Variants in TOGARAM2 observed in about 807,000 individuals in gnomAD.
TOGARAM2 encodes TOG array regulator of axonemal microtubules protein 2.
TOGARAM2 carries 85 observed loss-of-function variants against 93.3 expected under a neutral mutation model. The observed-to-expected ratio is 0.91, with a 90% CI of 0.76 to 1.09. TOGARAM2 has a LOEUF of 1.09. Ranked by LOEUF, TOGARAM2 falls within the 50% of genes least tolerant of loss-of-function variation. The probability of loss-of-function intolerance (pLI) is 0.00; values close to 1 mark genes in which losing one functional copy is unlikely to be tolerated. For missense variants in TOGARAM2, 1,277 were observed against 1,334.5 expected, an observed-to-expected ratio of 0.96 and a Z score of 0.67; for synonymous variants, 593 against 552.8, an observed-to-expected ratio of 1.07 and a Z score of -1.02.
chr2:28,980,250 T>C (rs1407775792), upstream of TOGARAM2, among the ~76,000 whole-genome samples: 1 of 152,170 alleles, frequency 6.6e-6, no homozygotes, highest in Non-Finnish European at 1.5e-5. Flanking sequence ...TCCTGGATCT[T>C]GGTAAATGAC....
chr2:29,035,882 A>G (rs910369157), intron 17 of TOGARAM2, among the ~76,000 whole-genome samples: 1 of 152,104 alleles, frequency 6.6e-6, no homozygotes, highest in Non-Finnish European at 1.5e-5. Context: ...GCAGATTTAC[A>G]GTGAGGAGGG....
intron 10 of TOGARAM2, among the ~76,000 whole-genome samples, chr2:29,020,449 T>A (rs535679282): frequency 1.3e-5 from 2 of 152,318 alleles, no homozygotes; most frequent in African/African-American, 4.8e-5. Context: ...TCAGGATCTG[T>A]TCAACTTCTT....
At chr2:29,004,934 A>ATG (rs1220645853) in intron 6 of TOGARAM2, among the ~76,000 whole-genome samples, 1 of 101,070 alleles carries the variant, frequency 9.9e-6, no homozygotes, top group African/African-American at 4.5e-5. Flanking sequence ...GTGTGAGTGC[A>ATG]TGTGTGTGCA....
At chr2:28,968,348 T>C (rs1671895775) in intron 1 of TOGARAM2, among the ~76,000 whole-genome samples, 1 of 152,160 alleles carries the variant, frequency 6.6e-6, no homozygotes, top group Non-Finnish European at 1.5e-5. Flanking sequence ...TTTGGCCACC[T>C]TGGTTTCTAG....
intron 1 of TOGARAM2, among the ~76,000 whole-genome samples, chr2:28,984,243 G>GA (rs1038319001): frequency 4.0e-5 from 6 of 150,918 alleles, no homozygotes; most frequent in Non-Finnish European, 7.4e-5. Context: ...AACAAAGACA[G>GA]AAAAAAAAAT....
At chr2:29,029,851 T>C (rs1333907209) in intron 14 of TOGARAM2, among the ~76,000 whole-genome samples, 2 of 151,852 alleles carry the variant, frequency 1.3e-5, no homozygotes, top group Non-Finnish European at 2.9e-5. Flanking sequence ...GGGTTCAATG[T>C]ATACTGCTCG....
At chr2:29,038,958 G>T (rs1666274200) in intron 18 of TOGARAM2, among the ~76,000 whole-genome samples, 1 of 152,200 alleles carries the variant, frequency 6.6e-6, no homozygotes, top group Admixed American at 6.5e-5. Context: ...CATTGCCAGG[G>T]AGTACCTAGG....
chr2:28,977,255 G>A (rs1672051421), upstream of TOGARAM2, among the ~76,000 whole-genome samples: 1 of 152,186 alleles, frequency 6.6e-6, no homozygotes, highest in Non-Finnish European at 1.5e-5. Context: ...CCTTGGCCAT[G>A]CCCTATGCTA....
At chr2:29,002,770 A>T in intron 5 of TOGARAM2, 23 bp downstream of exon 5, 2 of 1,602,350 alleles carry the variant, frequency 1.2e-6, no homozygotes, top group Non-Finnish European at 1.7e-6. Context: ...GACTGCTGTG[A>T]GTCTGGTCCT....
chr2:29,017,691 A>G, intron 9 of TOGARAM2, 101 bp from the exon 10 acceptor site: 1 of 1,212,680 alleles, frequency 8.2e-7, no homozygotes, highest in Non-Finnish European at 1.1e-6. Context: ...GGGTACTGGC[A>G]TGAGCTACTT....
Position 29,033,544 on chromosome 2 carries a change from G to C in TOGARAM2, c.2206G>C (p.Gly736Arg). 1 of 1,613,508 alleles carries C rather than the reference G, an allele frequency of 6.2e-7. No homozygotes were observed. Among genetic ancestry groups the C allele is most frequent in the Non-Finnish European group, 8.5e-7 (1 of 1,179,744 alleles). Residue 736 changes from glycine (G) to arginine (R), a missense_variant, in exon 16 of 20, where the codon GGG becomes CGG. Coordinates refer to ENST00000379558, the MANE Select transcript of TOGARAM2 (RefSeq NM_199280.4). The stretch of plus-strand genomic sequence containing the variant: ...GAGGAGTCTGGTGGTGTGTGAGAAC[G>C]GGCTGCCCATCAAGGAGGGGTATGG... Reference protein sequence around the residue: ...VLRSLVVCENGLPIKEGLSCN... With the variant: ...VLRSLVVCENRLPIKEGLSCN...
chr2:29,043,902 C>T (rs184803129), intron 18 of TOGARAM2, among the ~76,000 whole-genome samples: 4 of 152,318 alleles, frequency 2.6e-5, no homozygotes, highest in African/African-American at 9.6e-5. Context: ...TGGAGAGGAA[C>T]AAGCAGCTTC....
At chr2:28,973,909 G>A (rs997753237) in intron 1 of TOGARAM2, among the ~76,000 whole-genome samples, 8 of 151,960 alleles carry the variant, frequency 5.3e-5, no homozygotes, top group Non-Finnish European at 8.8e-5. Flanking sequence ...TCTTGATTTC[G>A]TCTTTATTTT....
At chr2:28,965,822 T>G (rs889361851) in intron 1 of TOGARAM2, among the ~76,000 whole-genome samples, 7 of 152,314 alleles carry the variant, frequency 4.6e-5, no homozygotes, top group African/African-American at 1.7e-4. Flanking sequence ...GGATGCCCCT[T>G]CCCTGCTTCA....
chr2:28,997,203 G>A (rs932204290), intron 2 of TOGARAM2, among the ~76,000 whole-genome samples: 2 of 143,856 alleles, frequency 1.4e-5, no homozygotes, highest in African/African-American at 2.4e-5. Context: ...CTATCCATCC[G>A]ACAAAGGATT....
intron 6 of TOGARAM2, among the ~76,000 whole-genome samples, chr2:29,005,080 GTGTA>G (rs1429225224): frequency 1.1e-5 from 1 of 92,946 alleles, no homozygotes; most frequent in African/African-American, 3.6e-5. Flanking sequence ...GTGTGTGCAT[GTGTA>G]TGTGTGAGTG....
At chr2:29,026,743 C>T in intron 13 of TOGARAM2, 110 bp from the exon 14 acceptor site, 1 of 1,225,246 alleles carries the variant, frequency 8.2e-7, no homozygotes, top group South Asian at 2.0e-5. Flanking sequence ...TTTTTGGAGC[C>T]CCTGGCTGGC....
At position 29,014,559 on chromosome 2, in the gene TOGARAM2, A is replaced by G. The variant is rs144989786; in HGVS notation, c.1042A>G (p.Lys348Glu). The change falls in exon 8 of 20, where the codon AAG becomes GAG. Residue 348 changes from lysine to glutamate, a missense_variant and splice_region_variant. By Grantham distance (56) the Lys-to-Glu change is moderately conservative. Transcript: ENST00000379558. ...AGAGGACCAGAAGGAGATCGGCACC[A>G]AGGTACCTGGGGAGCGGGAGGAGGA... ...KEEDQKEIGTKIQVTISKSAR... is the reference protein window; with the variant it reads ...KEEDQKEIGTEIQVTISKSAR... 421 of 1,565,880 alleles carry G rather than the reference A, an allele frequency of 2.7e-4. 1 individual carries two copies. Among genetic ancestry groups the G allele is most frequent in the Non-Finnish European group, 3.4e-4 (387 of 1,154,872 alleles).
At chr2:29,037,647 T>G (rs1402179104) in intron 18 of TOGARAM2, among the ~76,000 whole-genome samples, 1 of 152,114 alleles carries the variant, frequency 6.6e-6, no homozygotes, top group East Asian at 1.9e-4. Context: ...ACCGTGTCCT[T>G]GGCTGGAGGC....
Sources: allele counts gnomAD v4.1 joint callset (sites outside exome capture counted in the v4.1 genomes callset), GRCh38; gene constraint gnomAD v4.1.1; transcripts MANE v1.5; gene names NCBI Gene and HGNC (gene_info 2026-07-23, HGNC 2026-07-21).